Variants in LSAMP observed in about 807,000 individuals in gnomAD.
LSAMP encodes the protein limbic system associated membrane protein.
A neutral mutation model predicts 38.6 loss-of-function variants in LSAMP; 7 were observed. That is an observed-to-expected ratio of 0.18 (90% CI 0.10 to 0.34). LSAMP has a LOEUF of 0.34. Ranked by LOEUF, LSAMP falls within the 10% of genes least tolerant of loss-of-function variation. The probability of loss-of-function intolerance (pLI) is 1.00; values close to 1 mark genes in which losing one functional copy is unlikely to be tolerated. For missense variants in LSAMP, 313 were observed against 420.0 expected (o/e 0.75, Z 2.23); for synonymous variants, 154 against 166.8 (o/e 0.92, Z 0.59).
intron 1 of LSAMP, among the ~76,000 whole-genome samples, chr3:116,219,910 C>T (rs547874988): frequency 2.6e-4 from 39 of 152,258 alleles, no homozygotes; most frequent in African/African-American, 8.9e-4. Context: ...GACAGTTGCT[C>T]ACATCTATAA....
At position 116,132,937 on chromosome 3, in the gene LSAMP, T is replaced by A. The variant is rs186733286; in HGVS notation, c.156-46381A>T. 2.2e-3 allele frequency among the ~76,000 whole-genome samples: 339 copies of A among 152,264 alleles called. 2 individuals are homozygous for A. Among genetic ancestry groups the A allele is most frequent in the African/African-American group, 7.5e-3 (310 of 41,552 alleles). On this transcript the variant is annotated intron_variant, in intron 1 of 6. Coordinates refer to ENST00000490035, the MANE Select transcript of LSAMP (RefSeq NM_002338.5). ...CACACCATCTCCTACACCTCTTCCG[T>A]GTTGTTATAAATGAGGTATAGGGAA... is the stretch of plus-strand genomic sequence containing the variant.
chr3:116,252,177 T>C (rs1013289338), intron 1 of LSAMP, among the ~76,000 whole-genome samples: 2 of 152,180 alleles, frequency 1.3e-5, no homozygotes, highest in African/African-American at 4.8e-5. Context: ...CTATGCCACA[T>C]GTGTGCCAAT....
At chr3:115,896,060 C>A (rs1466197202) in intron 3 of LSAMP, among the ~76,000 whole-genome samples, 2 of 152,002 alleles carry the variant, frequency 1.3e-5, no homozygotes, top group Non-Finnish European at 2.9e-5. Context: ...CTTGTGTGAG[C>A]TTTAAGTTTT....
intron 1 of LSAMP, among the ~76,000 whole-genome samples, chr3:116,390,847 G>C (rs2048684743): frequency 6.6e-6 from 1 of 151,682 alleles, no homozygotes; most frequent in African/African-American, 2.4e-5. Context: ...TCCTTCTCAG[G>C]AGATTTTTGT....
At chr3:115,916,138 C>T (rs1441782945) in intron 3 of LSAMP, among the ~76,000 whole-genome samples, 1 of 151,928 alleles carries the variant, frequency 6.6e-6, no homozygotes, top group African/African-American at 2.4e-5. Flanking sequence ...GAGATAAATG[C>T]AAGCAGACAA....
intron 3 of LSAMP, among the ~76,000 whole-genome samples, chr3:115,992,350 C>T (rs1032738171): frequency 6.6e-6 from 1 of 152,082 alleles, no homozygotes; most frequent in Admixed American, 6.6e-5. Flanking sequence ...CGCTACTCTC[C>T]TCCTCCAGGT....
chr3:116,097,345 C>G (rs910926495), intron 1 of LSAMP, among the ~76,000 whole-genome samples: 1 of 152,190 alleles, frequency 6.6e-6, no homozygotes, highest in African/African-American at 2.4e-5. Flanking sequence ...ATGTATAAGG[C>G]ATGGCTGTAA....
rs147936514 is a variant in LSAMP, at chr3:116,253,781, G to A, written c.156-167225C>T. Reference sequence around the variant, plus strand: ...TTAAAACTTAAGAATGAAAGACAATGGCAGGAAAACAGAGTAGAGTGGTAT... The same window carrying A: ...TTAAAACTTAAGAATGAAAGACAATAGCAGGAAAACAGAGTAGAGTGGTAT... On this transcript the variant is annotated intron_variant, in intron 1 of 6. Coordinates refer to ENST00000490035, the MANE Select transcript of LSAMP (RefSeq NM_002338.5). 1.2e-4 allele frequency among the ~76,000 whole-genome samples: 19 copies of A among 152,302 alleles called. No individual in the cohort carries two copies. The East Asian group carries it at 3.5e-3, about 28-fold the overall frequency.
At chr3:116,166,117 C>T (rs2107546171) in intron 1 of LSAMP, among the ~76,000 whole-genome samples, 1 of 152,270 alleles carries the variant, frequency 6.6e-6, no homozygotes, top group Admixed American at 6.5e-5. Flanking sequence ...TGTCATTGCT[C>T]AATTACATGC....
At chr3:116,407,798 G>A (rs1012757451) in intron 1 of LSAMP, among the ~76,000 whole-genome samples, 5 of 152,004 alleles carry the variant, frequency 3.3e-5, no homozygotes, top group African/African-American at 1.2e-4. Context: ...TTCCCATGTG[G>A]CCACTGACGG....
intron 1 of LSAMP, among the ~76,000 whole-genome samples, chr3:116,188,753 G>A (rs1383164053): frequency 6.6e-6 from 1 of 152,254 alleles, no homozygotes; most frequent in Admixed American, 6.5e-5. Context: ...GGGAATGGGG[G>A]AATTCAAAAG....
chr3:116,280,752 T>C (rs945497156), intron 1 of LSAMP, among the ~76,000 whole-genome samples: 13 of 152,242 alleles, frequency 8.5e-5, no homozygotes, highest in Non-Finnish European at 1.6e-4. Context: ...TGGTTCACTC[T>C]ATCATGATTC....
chr3:116,442,113 T>G (rs1382449980), intron 1 of LSAMP, among the ~76,000 whole-genome samples: 1 of 152,186 alleles, frequency 6.6e-6, no homozygotes, highest in Admixed American at 6.5e-5. Flanking sequence ...TGCACTCTCC[T>G]ATCTGATGCA....
At chr3:116,182,621 A>G (rs961777308) in intron 1 of LSAMP, among the ~76,000 whole-genome samples, 1 of 151,798 alleles carries the variant, frequency 6.6e-6, no homozygotes, top group Admixed American at 6.6e-5. Context: ...GACTGTCTAG[A>G]GAAAATCTTT....
At chr3:116,310,896 G>A (rs1039114645) in intron 1 of LSAMP, among the ~76,000 whole-genome samples, 47 of 141,410 alleles carry the variant, frequency 3.3e-4, no homozygotes, top group African/African-American at 1.2e-3. Context: ...ATGGTGAGGA[G>A]GAAGATGATG....
chr3:116,061,828 ATTCG>A (rs1941599880), intron 2 of LSAMP, among the ~76,000 whole-genome samples: 1 of 152,244 alleles, frequency 6.6e-6, no homozygotes, highest in Non-Finnish European at 1.5e-5. Context: ...TTAAACAAAC[ATTCG>A]TTGAATGTAT....
chr3:116,006,862 A>G (rs1402366491), intron 3 of LSAMP, among the ~76,000 whole-genome samples: 1 of 152,166 alleles, frequency 6.6e-6, no homozygotes, highest in African/African-American at 2.4e-5. Context: ...TGTCTCCTGG[A>G]TTGTTCTATG....
chr3:115,862,014 A>G (rs1048585373), intron 3 of LSAMP, among the ~76,000 whole-genome samples: 1 of 152,244 alleles, frequency 6.6e-6, no homozygotes, highest in African/African-American at 2.4e-5. Flanking sequence ...TATACTTAAA[A>G]GAGTCCTTTG....
intron 1 of LSAMP, among the ~76,000 whole-genome samples, chr3:116,414,000 C>T (rs542924077): frequency 1.3e-5 from 2 of 151,752 alleles, no homozygotes; most frequent in African/African-American, 4.8e-5. Flanking sequence ...TTAATCAATT[C>T]TAAGAAGGTG....
Sources: gnomAD v4.1 joint callset for allele counts (sites outside exome capture counted in the v4.1 genomes callset) on GRCh38, gnomAD v4.1.1 for gene constraint, MANE v1.5 for transcripts, NCBI Gene and HGNC (gene_info 2026-07-23, HGNC 2026-07-21) for gene names.